NCAM1: variants seen among roughly 807,000 people sequenced by gnomAD.
NCAM1 encodes the protein antigen recognized by monoclonal antibody 5.1H11.
A neutral mutation model predicts 109.8 loss-of-function variants in NCAM1; 14 were observed. The observed-to-expected ratio is 0.13, with a 90% CI of 0.08 to 0.20. The LOEUF is 0.20. Among genes scored for constraint, NCAM1 ranks in the 10% least tolerant of loss-of-function variants. NCAM1 has a pLI of 1.00. For synonymous variants in NCAM1, 418 were observed against 442.9 expected, an observed-to-expected ratio of 0.94 and a Z score of 0.70; for missense variants, 774 against 1,109.9, an observed-to-expected ratio of 0.70 and a Z score of 4.30.
chr11:113,165,882 G>A (rs957860670), intron 1 of NCAM1, among the ~76,000 whole-genome samples: 1 of 151,050 alleles, frequency 6.6e-6, no homozygotes, highest in Admixed American at 6.6e-5. Context: ...GCGTGATCTC[G>A]GCTCACTGCA....
rs782527116 is a variant in NCAM1, at chr11:112,961,531, C to T, written c.-82C>T. The T allele has an allele frequency of 1.1e-6, 1 of 916,250 alleles. No homozygotes were observed. Among genetic ancestry groups the T allele is most frequent in the South Asian group, 1.3e-5 (1 of 76,766 alleles). The allele number at this position is 916,250 out of a possible 1,614,324, so 56.8% of individuals were successfully genotyped here. The stretch of plus-strand genomic sequence containing the variant: ...ATTGTCTGCCCCTAGGTCTGTCGCT[C>T]AGCCGCCGTCCACACTCGCTGCAGG... On this transcript the variant is annotated 5_prime_UTR_variant, in exon 1 of 20. Transcript: ENST00000316851.
chr11:112,961,721 ACTCC>A, intron 1 of NCAM1, 57 bp downstream of exon 1: 45 of 1,081,632 alleles, frequency 4.2e-5, no homozygotes, highest in Non-Finnish European at 5.5e-5. Flanking sequence ...CCTTCCTCCT[ACTCC>A]TAGGAGGAAC....
intron 1 of NCAM1, among the ~76,000 whole-genome samples, chr11:113,056,592 A>C (rs565040542): frequency 6.6e-6 from 1 of 152,250 alleles, no homozygotes; most frequent in East Asian, 1.9e-4. Context: ...GGGAAAGCCC[A>C]TGTGGTAAGG....
chr11:113,189,242 G>A (rs1555109383), intron 1 of NCAM1, among the ~76,000 whole-genome samples: 3 of 151,958 alleles, frequency 2.0e-5, no homozygotes, highest in African/African-American at 7.3e-5. Context: ...ACAAGGTCAG[G>A]AATTTGAGAC....
At chr11:113,242,565 G>A (rs142692936) in intron 14 of NCAM1, among the ~76,000 whole-genome samples, 25 of 152,186 alleles carry the variant, frequency 1.6e-4, no homozygotes, top group South Asian at 1.0e-3. Context: ...AGACAAGATC[G>A]CACCATTGCA....
At chr11:113,183,885 G>C (rs138287584) in intron 1 of NCAM1, among the ~76,000 whole-genome samples, 1 of 152,092 alleles carries the variant, frequency 6.6e-6, no homozygotes, top group East Asian at 1.9e-4. Flanking sequence ...TTAAAATAGG[G>C]AAACAAAAAG....
chr11:113,119,084 AAG>A (rs1295967687), intron 1 of NCAM1, among the ~76,000 whole-genome samples: 6 of 151,954 alleles, frequency 3.9e-5, no homozygotes, highest in Admixed American at 2.0e-4. Flanking sequence ...GACAAAGCAA[AAG>A]AGGGGAATGG....
chr11:112,982,666 T>A (rs1555068938), intron 1 of NCAM1, among the ~76,000 whole-genome samples: 1 of 151,872 alleles, frequency 6.6e-6, no homozygotes, highest in Non-Finnish European at 1.5e-5. Context: ...TAGTGACTGA[T>A]TTGGATATGC....
At chr11:113,147,689 GCCAGA>G (rs1225296324) in intron 1 of NCAM1, among the ~76,000 whole-genome samples, 3 of 152,226 alleles carry the variant, frequency 2.0e-5, no homozygotes, top group African/African-American at 7.2e-5. Context: ...ACGTAACACA[GCCAGA>G]TAGGACATAT....
At chr11:113,103,572 C>T (rs1939976567) in intron 1 of NCAM1, among the ~76,000 whole-genome samples, 1 of 152,128 alleles carries the variant, frequency 6.6e-6, no homozygotes, top group Admixed American at 6.5e-5. Flanking sequence ...TCCACACGTG[C>T]AGAACTCCCC....
At chr11:113,249,856 A>G (rs1945613878) in intron 15 of NCAM1, among the ~76,000 whole-genome samples, 1 of 152,142 alleles carries the variant, frequency 6.6e-6, no homozygotes, top group Non-Finnish European at 1.5e-5. Context: ...GCCATTTGCC[A>G]CCGTACCCCA....
At chr11:113,237,615 T>C (rs574844055) in intron 14 of NCAM1, among the ~76,000 whole-genome samples, 14 of 152,230 alleles carry the variant, frequency 9.2e-5, no homozygotes, top group Non-Finnish European at 1.8e-4. Context: ...CTTCTGGATC[T>C]TCCCCTGATC....
chr11:112,962,562 G>A lies in NCAM1; in HGVS notation c.52+898G>A, dbSNP rs1225042804. ...CGCCCTGTCTCCTTTCTTTGGGCGA[G>A]GTTCCCGATCCTGGCAAAGTGTGAA... On this transcript the variant is annotated intron_variant, in intron 1 of 19. Transcript: ENST00000316851. This position sits in a 1 kb window ranked among gnomAD's most constrained non-coding sequence, Gnocchi z 5.6. Among the ~76,000 whole-genome samples, 3 of 152,100 alleles carry A rather than the reference G, an allele frequency of 2.0e-5. No individual in the cohort carries two copies. The highest frequency in any genetic ancestry group is 7.2e-5 in the African/African-American group (3 of 41,418).
chr11:112,962,939 G>C lies in NCAM1; in HGVS notation c.52+1275G>C, dbSNP rs1214994338. Among the ~76,000 whole-genome samples, 2 of 152,058 alleles carry C rather than the reference G, an allele frequency of 1.3e-5. No individual in the cohort carries two copies. Among genetic ancestry groups the C allele is most frequent in the Non-Finnish European group, 2.9e-5 (2 of 67,998 alleles). ...GCTGTGTGTCGCGGTCGCAGCTCCA[G>C]GTACCGTTGTACCTGCCCTGGACGG... On this transcript the variant is annotated intron_variant, in intron 1 of 19. Coordinates refer to ENST00000316851, the MANE Select transcript of NCAM1 (RefSeq NM_181351.5). This position sits in a 1 kb window ranked among gnomAD's most constrained non-coding sequence, Gnocchi z 5.6.
At chr11:113,015,714 G>A (rs892288751) in intron 1 of NCAM1, among the ~76,000 whole-genome samples, 41 of 151,690 alleles carry the variant, frequency 2.7e-4, no homozygotes, top group Admixed American at 7.9e-4. Context: ...CAGCCTGGGT[G>A]ACAGAGACTC....
chr11:113,070,259 G>A (rs1247386576), intron 1 of NCAM1, among the ~76,000 whole-genome samples: 1 of 152,124 alleles, frequency 6.6e-6, no homozygotes, highest in Non-Finnish European at 1.5e-5. Context: ...AAGAGAGATG[G>A]AAACTAATAG....
Position 113,274,359 on chromosome 11 carries a change from G to T in NCAM1, c.2457-908G>T, listed in dbSNP as rs654298. Among the ~76,000 whole-genome samples, 95,026 of 151,546 alleles carry T rather than the reference G, an allele frequency of 0.63. 31,357 individuals carry two copies. Among genetic ancestry groups the T allele is most frequent in the African/African-American group, 0.79 (32,521 of 41,286 alleles). On this transcript the variant is annotated intron_variant, in intron 19 of 19. Coordinates refer to ENST00000316851, the MANE Select transcript of NCAM1 (RefSeq NM_181351.5). The surrounding 1 kb of genome is among the most constrained non-coding windows in gnomAD (Gnocchi z 4.1). ...CTGGGTCTCAAAGTTCAAGAGAAAG[G>T]CCTTAACCTTTCAGGTTTGTAAGTG...
intron 1 of NCAM1, among the ~76,000 whole-genome samples, chr11:113,161,374 C>CT (rs1942595999): frequency 6.6e-6 from 1 of 151,964 alleles, no homozygotes; most frequent in Admixed American, 6.6e-5. Flanking sequence ...GAATTCTTTT[C>CT]TTTTTTTTCT....
intron 1 of NCAM1, among the ~76,000 whole-genome samples, chr11:113,120,609 A>G (rs982749623): frequency 4.6e-5 from 7 of 152,200 alleles, no homozygotes; most frequent in Admixed American, 2.6e-4. Context: ...GGATGGAATC[A>G]GTGAAAGAGG....
Sources: allele counts gnomAD v4.1 joint callset (sites outside exome capture counted in the v4.1 genomes callset), GRCh38; gene constraint gnomAD v4.1.1; non-coding constraint Gnocchi (gnomAD v3.1); transcripts MANE v1.5; gene names NCBI Gene and HGNC (gene_info 2026-07-23, HGNC 2026-07-21).